The following CACNA2D3 variants were observed in gnomAD, a reference collection of about 807,000 sequenced individuals.
The protein encoded by CACNA2D3 is calcium voltage-gated channel auxiliary subunit alpha2delta 3, also known as voltage-dependent calcium channel subunit alpha-2/delta-3.
In CACNA2D3, 60 loss-of-function variants were observed where a neutral mutation model predicts 160.6. That is an observed-to-expected ratio of 0.37 (90% CI 0.30 to 0.46). CACNA2D3 has a LOEUF of 0.46. Ranked by LOEUF, CACNA2D3 falls within the 20% of genes least tolerant of loss-of-function variation. The pLI, the probability that CACNA2D3 is intolerant of heterozygous loss-of-function variation, is 1.00. For missense variants in CACNA2D3, 1,205 were observed against 1,365.0 expected (o/e 0.88, Z 1.85); for synonymous variants, 558 against 492.9 (o/e 1.13, Z -1.75).
chr3:54,975,003 A>G (rs1269371686), intron 29 of CACNA2D3, among the ~76,000 whole-genome samples: 1 of 152,194 alleles, frequency 6.6e-6, no homozygotes, highest in Non-Finnish European at 1.5e-5. Context: ...TGATATGGAA[A>G]AAACAGTTGA....
intron 31 of CACNA2D3, among the ~76,000 whole-genome samples, chr3:54,994,014 A>T (rs1469677152): frequency 6.6e-6 from 1 of 151,716 alleles, no homozygotes; most frequent in Non-Finnish European, 1.5e-5. Flanking sequence ...GTCCAAGGCC[A>T]TTCATATTTT....
intron 4 of CACNA2D3, among the ~76,000 whole-genome samples, chr3:54,456,743 T>A (rs1370745452): frequency 6.6e-6 from 1 of 151,960 alleles, no homozygotes; most frequent in Non-Finnish European, 1.5e-5. Context: ...CTTTTCTTTA[T>A]TGGGAGGTTT....
At position 54,479,981 on chromosome 3, in the gene CACNA2D3, A is replaced by AATC. The variant is rs768910699; in HGVS notation, c.382-23510_382-23508dup. Among the ~76,000 whole-genome samples, 5 of 152,182 alleles carry AATC rather than the reference A, an allele frequency of 3.3e-5. No individual in the cohort carries two copies. In the East Asian group the frequency reaches 7.8e-4, roughly 24 times the overall value. The stretch of plus-strand genomic sequence containing the variant: ...ATCCAGGAGAATTTCTTCTCCTCTC[A>AATC]ATCTTTAGCCAAAATATGAGAATTG... On this transcript the variant is annotated intron_variant, in intron 4 of 37. Transcript: ENST00000474759.
chr3:54,448,094 C>A (rs561404011), intron 4 of CACNA2D3, among the ~76,000 whole-genome samples: 1 of 152,092 alleles, frequency 6.6e-6, no homozygotes, highest in African/African-American at 2.4e-5. Flanking sequence ...TTTTCTGCAT[C>A]CATAGTTCAG....
rs371361486 is a variant in CACNA2D3 at position 54,927,830 on chromosome 3, G to A, written c.2449+27962G>A. On this transcript the variant is annotated intron_variant, in intron 27 of 37. Coordinates refer to ENST00000474759, the MANE Select transcript of CACNA2D3 (RefSeq NM_018398.3). ...CAGACGACTTGAAAATAGATTTCCCGCAGATACCTTTGTGAGGGGATACCA... is the reference window on the plus strand; with the variant it reads ...CAGACGACTTGAAAATAGATTTCCCACAGATACCTTTGTGAGGGGATACCA... 373 of 1,475,796 alleles carry A rather than the reference G, an allele frequency of 2.5e-4. 2 individuals are homozygous for A. Among genetic ancestry groups the A allele is most frequent in the Middle Eastern group, 1.5e-3 (9 of 5,832 alleles). 91.4% of individuals were successfully genotyped at this position (1,475,796 alleles called of 1,614,324 possible). A position where few individuals can be genotyped will look rare whatever the true frequency, so the allele number is the denominator to read the frequency against.
At chr3:54,385,049 T>A (rs540522363) in intron 3 of CACNA2D3, among the ~76,000 whole-genome samples, 1 of 152,286 alleles carries the variant, frequency 6.6e-6, no homozygotes, top group African/African-American at 2.4e-5. Context: ...CAAAGTTAAA[T>A]AAGAGTTGAG....
At chr3:54,593,674 A>G (rs1702901854) in intron 9 of CACNA2D3, among the ~76,000 whole-genome samples, 1 of 152,198 alleles carries the variant, frequency 6.6e-6, no homozygotes, top group South Asian at 2.1e-4. Flanking sequence ...GATTGTGAGG[A>G]TATAACTTCT....
At chr3:54,929,152 C>G (rs959256555) in intron 27 of CACNA2D3, among the ~76,000 whole-genome samples, 2 of 152,120 alleles carry the variant, frequency 1.3e-5, no homozygotes, top group Non-Finnish European at 2.9e-5. Context: ...TCCACCATCA[C>G]CAGCTGCGTG....
At chr3:54,542,350 A>T (rs911200514) in intron 5 of CACNA2D3, among the ~76,000 whole-genome samples, 1 of 152,102 alleles carries the variant, frequency 6.6e-6, no homozygotes, top group South Asian at 2.1e-4. Flanking sequence ...GTGAGCCACC[A>T]CACCCAGCCT....
At chr3:54,578,464 C>A (rs550411395) in intron 8 of CACNA2D3, among the ~76,000 whole-genome samples, 2 of 152,194 alleles carry the variant, frequency 1.3e-5, no homozygotes, top group South Asian at 4.1e-4. Context: ...GAAGCAGTTC[C>A]GTGCACAGGG....
chr3:54,638,537 C>T (rs1182396311), intron 10 of CACNA2D3: 2 of 151,704 alleles, frequency 1.3e-5, no homozygotes, highest in South Asian at 2.1e-4. Context: ...AAGGAGCAGC[C>T]TGGGGAGGAA....
chr3:54,991,055 G>A (rs940696065), intron 31 of CACNA2D3, among the ~76,000 whole-genome samples: 4 of 152,034 alleles, frequency 2.6e-5, no homozygotes, highest in Non-Finnish European at 5.9e-5. Flanking sequence ...TCATGGCTGC[G>A]TTCGCTGAGC....
At chr3:54,905,558 A>G (rs1700433156) in intron 27 of CACNA2D3, among the ~76,000 whole-genome samples, 2 of 152,194 alleles carry the variant, frequency 1.3e-5, no homozygotes. Context: ...TGAGCAAAGG[A>G]ACTGTTTTAT....
rs1036082320 is a variant in CACNA2D3, at chr3:54,200,872, G to T, written c.204+77278G>T. Among the ~76,000 whole-genome samples, 2 of 152,058 alleles carry T rather than the reference G, an allele frequency of 1.3e-5. 1 individual carries two copies. Among genetic ancestry groups the T allele is most frequent in the South Asian group, 4.1e-4 (2 of 4,830 alleles). On this transcript the variant is annotated intron_variant, in intron 2 of 37. Transcript: ENST00000474759. ...TGCTTTGGAAAATAGGAACTTTTTTGTTGTTGTTGAGATTTTAAGATGAAA... is the reference window on the plus strand; with the variant it reads ...TGCTTTGGAAAATAGGAACTTTTTTTTTGTTGTTGAGATTTTAAGATGAAA...
At chr3:54,945,962 T>C (rs1701603086) in intron 27 of CACNA2D3, among the ~76,000 whole-genome samples, 1 of 152,216 alleles carries the variant, frequency 6.6e-6, no homozygotes, top group Non-Finnish European at 1.5e-5. Context: ...CTCCTGCTCT[T>C]CACAAGAGTT....
intron 10 of CACNA2D3, among the ~76,000 whole-genome samples, chr3:54,630,825 T>G (rs1699220622): frequency 6.6e-6 from 1 of 152,104 alleles, no homozygotes; most frequent in Admixed American, 6.5e-5. Context: ...TAAAAATACC[T>G]CTGGAGTCTG....
intron 27 of CACNA2D3, among the ~76,000 whole-genome samples, chr3:54,903,719 G>A (rs1310165454): frequency 6.6e-6 from 1 of 152,152 alleles, no homozygotes; most frequent in Non-Finnish European, 1.5e-5. Context: ...ACCAGCATCT[G>A]TTATTTTTTG....
chr3:54,182,610 C>T (rs931611348), intron 2 of CACNA2D3, among the ~76,000 whole-genome samples: 1 of 152,152 alleles, frequency 6.6e-6, no homozygotes, highest in Non-Finnish European at 1.5e-5. Context: ...AATGTTACTA[C>T]GTTATTTGAT....
chr3:55,058,886 G>A (rs1168641137), intron 35 of CACNA2D3, among the ~76,000 whole-genome samples: 5 of 152,058 alleles, frequency 3.3e-5, no homozygotes, highest in African/African-American at 1.2e-4. Flanking sequence ...TGTAAAATCA[G>A]GATAAGTAGA....
Sources: gnomAD v4.1 joint callset for allele counts (sites outside exome capture counted in the v4.1 genomes callset) on GRCh38, gnomAD v4.1.1 for gene constraint, MANE v1.5 for transcripts, NCBI Gene and HGNC (gene_info 2026-07-23, HGNC 2026-07-21) for gene names.